Variants in TLN2 observed in about 807,000 individuals in gnomAD.
TLN2 encodes the protein talin-2.
In TLN2, 118 loss-of-function variants were observed where a neutral mutation model predicts 294.7. The observed-to-expected ratio is 0.40, with a 90% CI of 0.34 to 0.47. The LOEUF is 0.47. TLN2 is among the 20% of genes least tolerant of loss of function. The probability of loss-of-function intolerance (pLI) is 0.84; values close to 1 mark genes in which losing one functional copy is unlikely to be tolerated. For missense variants in TLN2, 3,083 were observed against 3,282.2 expected, an observed-to-expected ratio of 0.94 and a Z score of 1.48; for synonymous variants, 1,431 against 1,304.5, an observed-to-expected ratio of 1.10 and a Z score of -2.09.
At chr15:62,605,919 C>G (rs1342165558) in intron 2 of TLN2, among the ~76,000 whole-genome samples, 1 of 152,190 alleles carries the variant, frequency 6.6e-6, no homozygotes, top group East Asian at 1.9e-4. Flanking sequence ...GGCAGTCTGT[C>G]AGAATTTCCC....
chr15:62,665,035 TTTC>T (rs1472645577), intron 9 of TLN2, among the ~76,000 whole-genome samples: 4 of 152,028 alleles, frequency 2.6e-5, no homozygotes, highest in Non-Finnish European at 5.9e-5. Context: ...GGCATATACT[TTTC>T]TATAATTTGA....
rs1331523254 is a variant in TLN2 at position 62,752,345 on chromosome 15, A to G, written c.4250A>G (p.Lys1417Arg). Residue 1417 changes from lysine to arginine, a missense_variant, in exon 35 of 59, where the codon AAG becomes AGG. Lys to Arg is a conservative substitution (Grantham distance 26, BLOSUM62 2). Coordinates refer to ENST00000636159, the MANE Select transcript of TLN2 (RefSeq NM_015059.3). The part of the protein sequence containing the change: ...ESMAGISQNA[K>R]TGDLPAFGEC... ...ATGGCAGGGATTTCACAGAATGCCAAGACCGGAGACCTCCCTGCCTTTGGG... is the reference window on the plus strand; with the variant it reads ...ATGGCAGGGATTTCACAGAATGCCAGGACCGGAGACCTCCCTGCCTTTGGG... 3 of 1,614,040 alleles carry G rather than the reference A, an allele frequency of 1.9e-6. No homozygotes were observed. Among genetic ancestry groups the G allele is most frequent in the Non-Finnish European group, 1.7e-6 (2 of 1,180,046 alleles).
chr15:62,742,934 T>C (rs967016285), intron 32 of TLN2, among the ~76,000 whole-genome samples: 9 of 152,222 alleles, frequency 5.9e-5, no homozygotes, highest in African/African-American at 1.9e-4. Context: ...CATTGTCTTA[T>C]TCATTCATGT....
At chr15:62,642,701 GTT>G (rs1355609761) in intron 3 of TLN2, among the ~76,000 whole-genome samples, 5 of 140,640 alleles carry the variant, frequency 3.6e-5, no homozygotes, top group Non-Finnish European at 3.1e-5. Context: ...TTTGTTTTCT[GTT>G]TTTTTTTTTT....
chr15:62,733,060 C>G (rs1285770443), intron 28 of TLN2, among the ~76,000 whole-genome samples: 1 of 152,026 alleles, frequency 6.6e-6, no homozygotes, highest in Non-Finnish European at 1.5e-5. Context: ...ATAATTTTGC[C>G]AACAGGGAGT....
intron 9 of TLN2, chr15:62,658,185 C>CAAA (rs55907989): frequency 0.027 from 4,492 of 167,966 alleles, 10 homozygotes; most frequent in South Asian, 0.073. Context: ...AAAAAAAAAC[C>CAAA]AAAAAAAAAA....
At chr15:62,692,310 C>A (rs1311604565) in intron 12 of TLN2, among the ~76,000 whole-genome samples, 1 of 152,190 alleles carries the variant, frequency 6.6e-6, no homozygotes. Context: ...TTTACTGTGG[C>A]TGCTGCAGCA....
chr15:62,578,980 A>G (rs2044680286), intron 1 of TLN2, among the ~76,000 whole-genome samples: 3 of 152,188 alleles, frequency 2.0e-5, no homozygotes, highest in Admixed American at 1.3e-4. Flanking sequence ...TTGCCATTTT[A>G]TGCAGAGAAA....
intron 1 of TLN2, among the ~76,000 whole-genome samples, chr15:62,491,114 G>T (rs554410723): frequency 7.9e-5 from 12 of 152,258 alleles, no homozygotes; most frequent in African/African-American, 2.9e-4. Flanking sequence ...CTGAGGTCAG[G>T]AGTTTGAGAC....
chr15:62,544,315 C>T (rs1164043623), intron 1 of TLN2, among the ~76,000 whole-genome samples: 1 of 152,158 alleles, frequency 6.6e-6, no homozygotes, highest in African/African-American at 2.4e-5. Context: ...AAACTCATAG[C>T]GCCTCTTCCT....
In TLN2 at chr15:62,763,614, C is replaced by T. The variant is rs896247023; in HGVS notation, c.5013C>T (p.Asn1671=). The change falls in exon 40 of 59, where the codon AAC becomes AAT. Residue 1671 remains asparagine, a synonymous_variant. Coordinates refer to ENST00000636159, the MANE Select transcript of TLN2 (RefSeq NM_015059.3). ...GTGATTACTCCATCGATGGCATCAA[C>T]CGGTGCATCCGGGACATCGAGCAGG... is the stretch of plus-strand genomic sequence containing the variant. ...RECDYSIDGI[N]RCIRDIEQAS... 3.1e-6 allele frequency: 5 copies of T among 1,613,782 alleles called. No individual in the cohort carries two copies. Among genetic ancestry groups the T allele is most frequent in the Non-Finnish European group, 4.2e-6 (5 of 1,179,888 alleles).
chr15:62,699,620 C>A (rs763270168), intron 16 of TLN2, among the ~76,000 whole-genome samples: 1 of 152,188 alleles, frequency 6.6e-6, no homozygotes, highest in South Asian at 2.1e-4. Flanking sequence ...GCAGCATTGG[C>A]AATTCCTAGG....
In TLN2 at chr15:62,681,394, A is replaced by G. The variant is rs551873112; in HGVS notation, c.958-5247A>G. The stretch of plus-strand genomic sequence containing the variant: ...AAATTATAATTAATAATGATATTGA[A>G]CACACCTACTCAAACCCCACAGCCT... On this transcript the variant is annotated intron_variant, in intron 11 of 58. Coordinates refer to ENST00000636159, the MANE Select transcript of TLN2 (RefSeq NM_015059.3). Among the ~76,000 whole-genome samples the G allele has an allele frequency of 6.6e-5, 10 of 152,356 alleles. No homozygotes were observed. In the East Asian group the frequency reaches 1.9e-3, roughly 29 times the overall value.
At chr15:62,833,733 C>G (rs1304681581) in intron 55 of TLN2, 104 bp downstream of exon 55, 1 of 1,472,766 alleles carries the variant, frequency 6.8e-7, no homozygotes, top group Middle Eastern at 2.5e-4. Flanking sequence ...GAAACACATG[C>G]AGTGCCTTCC....
intron 3 of TLN2, among the ~76,000 whole-genome samples, chr15:62,627,538 G>C (rs565680645): frequency 6.6e-6 from 1 of 152,308 alleles, no homozygotes; most frequent in East Asian, 1.9e-4. Context: ...GAATTATCTT[G>C]TGAAATGTTG....
At chr15:62,447,216 T>A (rs916291665) in intron 1 of TLN2, among the ~76,000 whole-genome samples, 4 of 152,176 alleles carry the variant, frequency 2.6e-5, no homozygotes, top group Admixed American at 2.6e-4. Context: ...CTTGAATGAA[T>A]GCAACTTGGG....
At chr15:62,793,581 A>G (rs1465314351) in intron 46 of TLN2, among the ~76,000 whole-genome samples, 1 of 152,080 alleles carries the variant, frequency 6.6e-6, no homozygotes, top group East Asian at 1.9e-4. Context: ...CTTTCCTCCA[A>G]ACTTCTTTTT....
At chr15:62,643,464 T>C (rs1311163411) in intron 3 of TLN2, among the ~76,000 whole-genome samples, 2 of 149,824 alleles carry the variant, frequency 1.3e-5, no homozygotes, top group Admixed American at 6.6e-5. Context: ...CCTGTGATGC[T>C]TTTTTGCAAT....
At chr15:62,710,989 G>A (rs968664998) in intron 21 of TLN2, among the ~76,000 whole-genome samples, 5 of 151,976 alleles carry the variant, frequency 3.3e-5, no homozygotes, top group African/African-American at 1.2e-4. Context: ...GCCTCCCAAA[G>A]TGCTGGGATT....
Sources: allele counts gnomAD v4.1 joint callset (sites outside exome capture counted in the v4.1 genomes callset), GRCh38; gene constraint gnomAD v4.1.1; transcripts MANE v1.5; gene names NCBI Gene and HGNC (gene_info 2026-07-23, HGNC 2026-07-21).